Variants in SNAPC4 observed in about 807,000 individuals in gnomAD.
SNAPC4 encodes small nuclear RNA activating complex polypeptide 4.
In SNAPC4, 127 loss-of-function variants were observed where a neutral mutation model predicts 151.3. The observed-to-expected ratio is 0.84, with a 90% CI of 0.73 to 0.97. SNAPC4 has a LOEUF of 0.97. Among genes scored for constraint, SNAPC4 ranks in the 50% least tolerant of loss-of-function variants. The pLI is 0.00. For synonymous variants in SNAPC4, 1,002 were observed against 824.4 expected (o/e 1.22, Z -3.69); for missense variants, 2,186 against 1,935.0 (o/e 1.13, Z -2.43).
At chr9:136,387,111 GA>G (rs1221315233) in intron 13 of SNAPC4, among the ~76,000 whole-genome samples, 1 of 152,230 alleles carries the variant, frequency 6.6e-6, no homozygotes, top group Non-Finnish European at 1.5e-5. Context: ...AGCTGTTTTT[GA>G]AAGGAAAATA....
chr9:136,392,227 A>C, intron 9 of SNAPC4, 121 bp from the exon 10 acceptor site: 2 of 1,274,126 alleles, frequency 1.6e-6, no homozygotes, highest in Admixed American at 1.8e-5. Flanking sequence ...AAGTAAGCGC[A>C]ATCTTCGTCC....
chr9:136,384,484 G>A (rs966666654), intron 14 of SNAPC4, among the ~76,000 whole-genome samples: 2 of 152,112 alleles, frequency 1.3e-5, no homozygotes, highest in African/African-American at 2.4e-5. Context: ...CAAAGACTTC[G>A]CTACAGAACA....
intron 7 of SNAPC4, 50 bp downstream of exon 7, chr9:136,394,199 G>T: frequency 7.0e-7 from 1 of 1,422,658 alleles, no homozygotes. Flanking sequence ...CCAGGCATGA[G>T]CCCTATGCCC....
chr9:136,376,554 TGAG>T, intron 22 of SNAPC4, 73 bp from the exon 23 acceptor site: 1 of 1,570,030 alleles, frequency 6.4e-7, no homozygotes, highest in Non-Finnish European at 8.7e-7. Context: ...GGGACGGGAG[TGAG>T]GAGGGGCCCT....
rs1309770003 is a variant in SNAPC4 at position 136,392,793 on chromosome 9, G to A, written c.633-16C>T. 2.5e-6 allele frequency: 4 copies of A among 1,609,492 alleles called. No homozygotes were observed. The highest frequency in any genetic ancestry group is 2.7e-5 in the African/African-American group (2 of 74,886). Reference sequence around the variant, plus strand: ...GTACTCGAGCCTGCAAAGCAGAGCAGAGGCAGAAGGGCTGGGGCACGAGGG... The same window carrying A: ...GTACTCGAGCCTGCAAAGCAGAGCAAAGGCAGAAGGGCTGGGGCACGAGGG... On this transcript the variant is annotated splice_polypyrimidine_tract_variant and intron_variant, in intron 7 of 23. Coordinates refer to ENST00000684778, the MANE Select transcript of SNAPC4 (RefSeq NM_003086.4).
intron 11 of SNAPC4, among the ~76,000 whole-genome samples, chr9:136,388,233 C>T (rs1431726565): frequency 1.3e-5 from 2 of 150,244 alleles, no homozygotes; most frequent in African/African-American, 4.9e-5. Context: ...TGGCGTTGCA[C>T]TCCATCCTGG....
chr9:136,395,586 G>A lies in SNAPC4; in HGVS notation c.345+17C>T. 4 of 1,603,578 alleles carry A rather than the reference G, an allele frequency of 2.5e-6. No individual in the cohort carries two copies. Among genetic ancestry groups the A allele is most frequent in the Non-Finnish European group, 3.4e-6 (4 of 1,174,434 alleles). On this transcript the variant is annotated intron_variant, in intron 4 of 23. Coordinates refer to ENST00000684778, the MANE Select transcript of SNAPC4 (RefSeq NM_003086.4). ...GGTGGGGAGGTGTGGGCACCGGGGG[G>A]CCGAGGCCCATCCCACCTGCTGCTC...
Position 136,376,398 on chromosome 9 carries a change from G to A in SNAPC4, c.4368C>T (p.Thr1456=), listed in dbSNP as rs747844904. The part of the protein sequence containing the change: ...NDPDDLDVLR[T]RHARHTRKRR... ...GCTTCCGGGTGTGCCTGGCATGCCG[G>A]GTTCTGAGCACGTCCAGGTCGTCAG... Residue 1456 remains threonine (T), a synonymous_variant, in exon 23 of 24, where the codon ACC becomes ACT. Transcript: ENST00000684778. 3 of 1,613,448 alleles carry A rather than the reference G, an allele frequency of 1.9e-6. No homozygotes were observed. The highest frequency in any genetic ancestry group is 2.2e-5 in the East Asian group (1 of 44,884).
intron 19 of SNAPC4, among the ~76,000 whole-genome samples, 175 bp from the exon 20 acceptor site, chr9:136,381,025 G>T (rs1325971929): frequency 6.6e-6 from 1 of 152,198 alleles, no homozygotes; most frequent in Admixed American, 6.5e-5. Context: ...TGGACATCCA[G>T]GATGGCCTCC....
rs764092652 is a variant in SNAPC4, at chr9:136,388,579, C to T, written c.988G>A (p.Ala330Thr). The T allele has an allele frequency of 6.8e-6, 11 of 1,614,022 alleles. No individual in the cohort carries two copies. The highest frequency in any genetic ancestry group is 1.7e-4 in the Middle Eastern group (1 of 6,060). The change falls in exon 11 of 24, where the codon GCC becomes ACC. Residue 330 changes from alanine to threonine, a missense_variant. Transcript: ENST00000684778. The part of the protein sequence containing the change: ...IAEELGTSRS[A>T]FQCLQKFQQH... ...TGGAATTTCTGCAGGCACTGGAAGG[C>T]GCTGCGGCTGGTCTTCCCAGGCCCA...
chr9:136,376,395 C>T lies in SNAPC4; in HGVS notation c.4371G>A (p.Arg1457=). The T allele has an allele frequency of 1.2e-6, 2 of 1,613,398 alleles. No individual in the cohort carries two copies. The part of the protein sequence containing the change: ...DPDDLDVLRT[R]HARHTRKRRR... ...TCCGCTTCCGGGTGTGCCTGGCATGCCGGGTTCTGAGCACGTCCAGGTCGT... is the reference window on the plus strand; with the variant it reads ...TCCGCTTCCGGGTGTGCCTGGCATGTCGGGTTCTGAGCACGTCCAGGTCGT... Residue 1457 remains arginine (R), a synonymous_variant, in exon 23 of 24, where the codon CGG becomes CGA. Transcript: ENST00000684778.
rs549278178 is a variant in SNAPC4, at chr9:136,387,806, T to G, written c.1166A>C (p.Tyr389Ser). ...MEGRDSMQLI[Y>S]RWTKSLDPGL... ...AGGATCCAAGCTCTTGGTCCATCGG[T>G]AGATCAGCTGCATGGAGTCTCTCCC... Residue 389 changes from tyrosine to serine, a missense_variant, in exon 12 of 24, where the codon TAC becomes TCC. Coordinates refer to ENST00000684778, the MANE Select transcript of SNAPC4 (RefSeq NM_003086.4). 6.2e-7 allele frequency: 1 copy of G among 1,612,526 alleles called. No homozygotes were observed. The highest frequency in any genetic ancestry group is 8.5e-7 in the Non-Finnish European group (1 of 1,178,830).
At chr9:136,392,908 G>A (rs1292656866) in intron 7 of SNAPC4, 131 bp from the exon 8 acceptor site, 17 of 737,476 alleles carry the variant, frequency 2.3e-5, no homozygotes, top group Admixed American at 1.3e-4. Context: ...TCCCTGCCTC[G>A]GCCTCCTCAC....
rs775771791 is a variant in SNAPC4 at position 136,384,785 on chromosome 9, T to A, written c.1355A>T (p.Lys452Ile). ...TTCTTTTAAATTCCACCGACCCTTT[T>A]TCAAGCTGAAATGTAATCTCCTGAG... The part of the protein sequence containing the change: ...RYLRRLHFSL[K>I]KGRWNLKEEE... The change falls in exon 14 of 24, where the codon AAA becomes ATA. Residue 452 changes from lysine to isoleucine, a missense_variant. Transcript: ENST00000684778. The A allele has an allele frequency of 6.3e-7, 1 of 1,597,538 alleles. No homozygotes were observed. The highest frequency in any genetic ancestry group is 8.5e-7 in the Non-Finnish European group (1 of 1,170,690).
Position 136,383,797 on chromosome 9 carries a change from G to C in SNAPC4, c.1501-129C>G. 7.3e-7 allele frequency: 1 copy of C among 1,372,456 alleles called. No individual in the cohort carries two copies. Among genetic ancestry groups the C allele is most frequent in the East Asian group, 2.3e-5 (1 of 43,106 alleles). 85.0% of individuals were successfully genotyped at this position (1,372,456 alleles called of 1,614,324 possible). On this transcript the variant is annotated intron_variant, in intron 15 of 23. Transcript: ENST00000684778. The surrounding 1 kb of genome is among the most constrained non-coding windows in gnomAD (Gnocchi z 4.2). Reference sequence around the variant, plus strand: ...TCCGGGGTCAAGAGCAGCCGCTGCCGAGGCAGGGTCTCCCTTTGCCCTTGG... The same window carrying C: ...TCCGGGGTCAAGAGCAGCCGCTGCCCAGGCAGGGTCTCCCTTTGCCCTTGG...
At position 136,383,351 on chromosome 9, in the gene SNAPC4, G is replaced by A; in HGVS notation, c.1818C>T (p.Ala606=). The A allele has an allele frequency of 6.2e-7, 1 of 1,608,190 alleles. No homozygotes were observed. Reference sequence around the variant, plus strand: ...AAGCTTCCTTGCTGCCGCCCTGGCTGGCACTGGACCCCTTGGGAGGGCTGA... The same window carrying A: ...AAGCTTCCTTGCTGCCGCCCTGGCTAGCACTGGACCCCTTGGGAGGGCTGA... The part of the protein sequence containing the change: ...ASLSPPKGSS[A]SQGGSKEAST... Residue 606 remains alanine (A), a synonymous_variant, in exon 16 of 24, where the codon GCC becomes GCT. Transcript: ENST00000684778. This position sits in a 1 kb window ranked among gnomAD's most constrained non-coding sequence, Gnocchi z 4.2.
At chr9:136,390,653 C>T (rs1834038331) in intron 10 of SNAPC4, among the ~76,000 whole-genome samples, 1 of 149,674 alleles carries the variant, frequency 6.7e-6, no homozygotes, top group African/African-American at 2.5e-5. Flanking sequence ...ATGCAACAAA[C>T]CACCATGGCA....
Position 136,383,241 on chromosome 9 carries a change from T to C in SNAPC4, c.1928A>G (p.Gln643Arg). 1 of 1,593,120 alleles carries C rather than the reference T, an allele frequency of 6.3e-7. No individual in the cohort carries two copies. Among genetic ancestry groups the C allele is most frequent in the East Asian group, 2.2e-5 (1 of 44,596 alleles). ...RAHGPVPRSAQASHSADTRPA... is the reference protein window; with the variant it reads ...RAHGPVPRSARASHSADTRPA... Reference sequence around the variant, plus strand: ...GCGAGTGTCTGCTGAGTGGGAGGCCTGGGCAGACCTCGGGACAGGGCCGTG... The same window carrying C: ...GCGAGTGTCTGCTGAGTGGGAGGCCCGGGCAGACCTCGGGACAGGGCCGTG... Residue 643 changes from glutamine to arginine, a missense_variant, in exon 16 of 24, where the codon CAG becomes CGG. Physicochemically the swap from Gln to Arg is conservative, Grantham distance 43 (BLOSUM62 1). Transcript: ENST00000684778. This position sits in a 1 kb window ranked among gnomAD's most constrained non-coding sequence, Gnocchi z 4.2.
At position 136,377,828 on chromosome 9, in the gene SNAPC4, C is replaced by G. The variant is rs986492254; in HGVS notation, c.3999G>C (p.Val1333=). Residue 1333 remains valine (V), a synonymous_variant, in exon 22 of 24, where the codon GTG becomes GTC. Transcript: ENST00000684778. ...ALEHKATSLV[V]GGEAERPAGA... ...CGGCCGGCCGCTCAGCCTCGCCCCCCACCACCAGGGAGGTGGCCTTGTGCT... is the reference window on the plus strand; with the variant it reads ...CGGCCGGCCGCTCAGCCTCGCCCCCGACCACCAGGGAGGTGGCCTTGTGCT... The G allele has an allele frequency of 6.8e-6, 11 of 1,611,552 alleles. No homozygotes were observed. Among genetic ancestry groups the G allele is most frequent in the African/African-American group, 1.3e-5 (1 of 75,048 alleles).
Sources: allele counts gnomAD v4.1 joint callset (sites outside exome capture counted in the v4.1 genomes callset), GRCh38; gene constraint gnomAD v4.1.1; non-coding constraint Gnocchi (gnomAD v3.1); transcripts MANE v1.5; gene names NCBI Gene and HGNC (gene_info 2026-07-23, HGNC 2026-07-21).